Variants in KRIT1 observed in about 807,000 individuals in gnomAD.
KRIT1 encodes the protein KRIT1 ankyrin repeat containing.
In KRIT1, 45 loss-of-function variants were observed where a neutral mutation model predicts 95.8. The ratio of observed to expected loss-of-function variants is 0.47; its 90% CI spans 0.37 to 0.60. The LOEUF (loss-of-function observed/expected upper bound fraction) is 0.60, where lower values mean the gene tolerates loss of function less well. KRIT1 is among the 20% of genes least tolerant of loss of function. KRIT1 has a pLI of 0.00. For missense variants in KRIT1, 788 were observed against 877.5 expected, an observed-to-expected ratio of 0.90 and a Z score of 1.29; for synonymous variants, 282 against 278.8, an observed-to-expected ratio of 1.01 and a Z score of -0.11.
intron 13 of KRIT1, among the ~76,000 whole-genome samples, chr7:92,222,378 A>G (rs950176572): frequency 1.3e-5 from 2 of 152,182 alleles, no homozygotes; most frequent in African/African-American, 4.8e-5. Flanking sequence ...ATAACCAATC[A>G]CATCGATCAA....
At chr7:92,221,537 G>A (rs1795147884) in intron 14 of KRIT1, among the ~76,000 whole-genome samples, 2 of 152,256 alleles carry the variant, frequency 1.3e-5, no homozygotes, top group Non-Finnish European at 1.5e-5. Context: ...TTCCACACCA[G>A]TGTTTCTCTT....
chr7:92,221,442 AAAG>A (rs1245193839), intron 14 of KRIT1, among the ~76,000 whole-genome samples: 1 of 152,176 alleles, frequency 6.6e-6, no homozygotes, highest in East Asian at 1.9e-4. Flanking sequence ...TCAAAAAAAA[AAAG>A]ATGAGCCACT....
At chr7:92,231,238 G>T (rs1797224323) in intron 10 of KRIT1, among the ~76,000 whole-genome samples, 1 of 152,228 alleles carries the variant, frequency 6.6e-6, no homozygotes, top group African/African-American at 2.4e-5. Flanking sequence ...GGAAAATGAT[G>T]ATTCTAGAAA....
chr7:92,209,892 G>A (rs1792400447), intron 17 of KRIT1, among the ~76,000 whole-genome samples: 2 of 151,638 alleles, frequency 1.3e-5, no homozygotes, highest in Admixed American at 1.3e-4. Flanking sequence ...GTGAAACCCT[G>A]TCTCTACTAA....
intron 14 of KRIT1, among the ~76,000 whole-genome samples, chr7:92,215,189 T>TC (rs1274076784): frequency 4.6e-5 from 7 of 152,202 alleles, no homozygotes; most frequent in Admixed American, 2.6e-4. Context: ...AATATGGCTA[T>TC]AAGCTATAGT....
At chr7:92,205,175 C>T (rs1056118088) in intron 17 of KRIT1, among the ~76,000 whole-genome samples, 1 of 152,024 alleles carries the variant, frequency 6.6e-6, no homozygotes, top group Admixed American at 6.5e-5. Flanking sequence ...GGAGAAACCC[C>T]CTCTCTACTA....
chr7:92,245,267 C>T (rs1165578649), intron 1 of KRIT1, 96 bp from the exon 2 acceptor site: 1 of 152,126 alleles, frequency 6.6e-6, no homozygotes, highest in African/African-American at 2.4e-5. Flanking sequence ...CCTGCAATGA[C>T]AAAAATACGT....
intron 4 of KRIT1, among the ~76,000 whole-genome samples, chr7:92,241,615 A>G (rs971565294): frequency 2.0e-5 from 3 of 152,232 alleles, no homozygotes; most frequent in Non-Finnish European, 1.5e-5. Context: ...ATTCAACACT[A>G]CAGAAAAGTA....
At chr7:92,221,063 T>C (rs1199064232) in intron 14 of KRIT1, among the ~76,000 whole-genome samples, 1 of 152,198 alleles carries the variant, frequency 6.6e-6, no homozygotes, top group Non-Finnish European at 1.5e-5. Flanking sequence ...AATATACTTG[T>C]CTAGACAGAC....
At chr7:92,210,037 C>T (rs935615385) in intron 17 of KRIT1, among the ~76,000 whole-genome samples, 1 of 152,178 alleles carries the variant, frequency 6.6e-6, no homozygotes, top group Non-Finnish European at 1.5e-5. Flanking sequence ...CACGCCACCG[C>T]ACTCCAGCCT....
Position 92,222,878 on chromosome 7 carries a change from C to T in KRIT1, c.1355G>A (p.Arg452His), listed in dbSNP as rs201272513. Residue 452 changes from arginine (R) to histidine (H), a missense_variant, in exon 13 of 19, where the codon CGT becomes CAT. This residue lies in a region of KRIT1 where 493 missense variants were observed against 582.3 expected (regional missense o/e 0.85). Coordinates refer to ENST00000394505, the MANE Select transcript of KRIT1 (RefSeq NM_194454.3). The stretch of plus-strand genomic sequence containing the variant: ...ATATTGCTGAGTTTCTTGAGAGAGA[C>T]GCATTCCTTCCATTATCTGCTGCAC... ...TTVQQIMEGM[R>H]LSQETQQYFT... The T allele has an allele frequency of 1.0e-4, 163 of 1,607,810 alleles. No individual in the cohort carries two copies. Among genetic ancestry groups the T allele is most frequent in the South Asian group, 1.9e-4 (17 of 90,952 alleles).
intron 13 of KRIT1, 100 bp downstream of exon 13, chr7:92,222,722 A>C (rs543364383): frequency 1.3e-6 from 1 of 751,732 alleles, no homozygotes; most frequent in Admixed American, 2.2e-5. Context: ...TATTATTTCA[A>C]AATTTAAGAG....
chr7:92,223,184 C>CT (rs551371035), intron 12 of KRIT1, among the ~76,000 whole-genome samples: 69 of 150,798 alleles, frequency 4.6e-4, no homozygotes, highest in Admixed American at 1.3e-3. Flanking sequence ...AATCCCAACA[C>CT]TTTGGGAGGC....
chr7:92,202,705 C>T (rs539661566), intron 17 of KRIT1, among the ~76,000 whole-genome samples: 1 of 152,116 alleles, frequency 6.6e-6, no homozygotes, highest in South Asian at 2.1e-4. Context: ...CCTGCCTGGG[C>T]AACAGTGAGA....
chr7:92,229,094 G>A (rs1796770395), intron 10 of KRIT1, among the ~76,000 whole-genome samples: 1 of 152,102 alleles, frequency 6.6e-6, no homozygotes, highest in Non-Finnish European at 1.5e-5. Context: ...ATATTCCTCT[G>A]GGTATATACA....
chr7:92,221,809 G>C (rs1452697942), intron 14 of KRIT1, 93 bp downstream of exon 14: 1 of 1,015,800 alleles, frequency 9.8e-7, no homozygotes, highest in African/African-American at 1.6e-5. Flanking sequence ...TCGATTTAAG[G>C]ATGTAAGCAC....
In KRIT1 at chr7:92,223,055, T is replaced by C. The variant is rs1795460720; in HGVS notation, c.1255-77A>G. 6.9e-6 allele frequency: 6 copies of C among 872,926 alleles called. No homozygotes were observed. The South Asian group carries it at 8.3e-5, about 12-fold the overall frequency. 54.1% of individuals were successfully genotyped at this position (872,926 alleles called of 1,614,324 possible). The stretch of plus-strand genomic sequence containing the variant: ...TCTAACAAGATACTTTCCTTCAACT[T>C]CATGTGCTTTATTATAGATTTCTAA... On this transcript the variant is annotated intron_variant, in intron 12 of 18. Coordinates refer to ENST00000394505, the MANE Select transcript of KRIT1 (RefSeq NM_194454.3).
At chr7:92,237,851 G>T (rs1251785323) in intron 5 of KRIT1, 92 bp from the exon 6 acceptor site, 2 of 730,184 alleles carry the variant, frequency 2.7e-6, no homozygotes, top group Non-Finnish European at 4.9e-6. Flanking sequence ...TACTTTAAAA[G>T]GCAGCATTAA....
intron 3 of KRIT1, among the ~76,000 whole-genome samples, chr7:92,243,152 C>G (rs1038762974): frequency 1.3e-5 from 2 of 151,500 alleles, no homozygotes; most frequent in African/African-American, 4.8e-5. Flanking sequence ...AATATATTCA[C>G]TGTGTGTGTG....
Sources: allele counts gnomAD v4.1 joint callset (sites outside exome capture counted in the v4.1 genomes callset), GRCh38; gene constraint gnomAD v4.1.1; regional missense constraint gnomAD v4.1.1; transcripts MANE v1.5; gene names NCBI Gene and HGNC (gene_info 2026-07-23, HGNC 2026-07-21).